ANO2: variants seen among roughly 807,000 people sequenced by gnomAD.
ANO2 encodes the protein anoctamin-2.
In ANO2, 101 loss-of-function variants were observed where a neutral mutation model predicts 124.2. The observed-to-expected ratio is 0.81, with a 90% CI of 0.69 to 0.96. The LOEUF (loss-of-function observed/expected upper bound fraction) is 0.96, where lower values mean the gene tolerates loss of function less well. Ranked by LOEUF, ANO2 falls within the 40% of genes least tolerant of loss-of-function variation. The pLI, the probability that ANO2 is intolerant of heterozygous loss-of-function variation, is 0.00. For missense variants in ANO2, 1,293 were observed against 1,274.5 expected (o/e 1.01, Z -0.22); for synonymous variants, 486 against 482.5 (o/e 1.01, Z -0.09).
At chr12:5,566,097 C>T (rs538083766) in intron 23 of ANO2, among the ~76,000 whole-genome samples, 18 of 152,230 alleles carry the variant, frequency 1.2e-4, no homozygotes, top group Non-Finnish European at 2.4e-4. Flanking sequence ...ATGCAGACAC[C>T]AGCAGGCAGT....
intron 9 of ANO2, among the ~76,000 whole-genome samples, chr12:5,805,105 C>T (rs973815472): frequency 6.6e-6 from 1 of 151,784 alleles, no homozygotes; most frequent in Non-Finnish European, 1.5e-5. Context: ...CAGCAGATTC[C>T]CTGGGCAGGC....
intron 16 of ANO2, among the ~76,000 whole-genome samples, chr12:5,626,344 C>A (rs1044255657): frequency 6.6e-6 from 1 of 152,046 alleles, no homozygotes; most frequent in African/African-American, 2.4e-5. Flanking sequence ...ACATATGTGT[C>A]CTAGAAACAG....
At chr12:5,886,506 A>G (rs1938919082) in intron 3 of ANO2, among the ~76,000 whole-genome samples, 1 of 152,230 alleles carries the variant, frequency 6.6e-6, no homozygotes, top group African/African-American at 2.4e-5. Context: ...CATAGTGGCT[A>G]CAGTCAACAA....
At chr12:5,889,826 C>T (rs548933287) in intron 3 of ANO2, among the ~76,000 whole-genome samples, 42 of 152,364 alleles carry the variant, frequency 2.8e-4, no homozygotes, top group African/African-American at 9.6e-4. Context: ...CATAGAGCTT[C>T]GCTCAATGAA....
chr12:5,603,468 C>T (rs1212842001), intron 19 of ANO2, among the ~76,000 whole-genome samples: 1 of 150,432 alleles, frequency 6.6e-6, no homozygotes, highest in African/African-American at 2.5e-5. Context: ...TTTACTCTTA[C>T]TATTTAAGAC....
At chr12:5,899,093 G>C (rs568930439) in intron 3 of ANO2, among the ~76,000 whole-genome samples, 27 of 152,138 alleles carry the variant, frequency 1.8e-4, no homozygotes, top group Non-Finnish European at 3.7e-4. Context: ...CCTGAGCCAG[G>C]ACTCCGGAGT....
intron 3 of ANO2, among the ~76,000 whole-genome samples, chr12:5,854,925 TAAAC>T (rs1955052830): frequency 8.3e-6 from 1 of 119,972 alleles, no homozygotes. Flanking sequence ...CATCTTCAAA[TAAAC>T]ATTCACTTTT....
At chr12:5,818,700 C>T (rs1953691872) in intron 7 of ANO2, among the ~76,000 whole-genome samples, 1 of 151,628 alleles carries the variant, frequency 6.6e-6, no homozygotes, top group Non-Finnish European at 1.5e-5. Flanking sequence ...GTATGGAGAA[C>T]ACTGATAGTC....
upstream of ANO2, chr12:5,945,377 C>T (rs1036868610): frequency 1.8e-5 from 13 of 727,472 alleles, no homozygotes; most frequent in East Asian, 1.3e-4. Flanking sequence ...GCCGGCGCCG[C>T]GCAGCCACAG....
rs139291063 is a variant in ANO2, at chr12:5,936,987, T to C, written c.22+8209A>G. Among the ~76,000 whole-genome samples, 12 of 152,362 alleles carry C rather than the reference T, an allele frequency of 7.9e-5. No homozygotes were observed. In the East Asian group the frequency reaches 2.3e-3, roughly 29 times the overall value. ...GTGACAGGCACTTAGGTTGTTTCCA[T>C]ATCTTGACCACTGTGAATAATGTTT... On this transcript the variant is annotated intron_variant, in intron 1 of 24. Transcript: ENST00000682330.
intron 14 of ANO2, among the ~76,000 whole-genome samples, chr12:5,663,664 C>A (rs1299671618): frequency 6.6e-6 from 1 of 152,190 alleles, no homozygotes; most frequent in Non-Finnish European, 1.5e-5. Context: ...AACCTCTGCA[C>A]TGCTATGGCT....
chr12:5,603,026 C>T (rs765289440), intron 19 of ANO2, among the ~76,000 whole-genome samples: 3 of 152,100 alleles, frequency 2.0e-5, no homozygotes, highest in Non-Finnish European at 4.4e-5. Flanking sequence ...TCATGAAGCT[C>T]CTGGAGGATG....
chr12:5,586,460 A>AAC (rs903514495), intron 20 of ANO2, among the ~76,000 whole-genome samples: 4 of 152,266 alleles, frequency 2.6e-5, no homozygotes, highest in African/African-American at 4.8e-5. Flanking sequence ...ATTGGCTTGT[A>AAC]ACACACACAC....
chr12:5,655,137 T>C (rs1422884741), intron 14 of ANO2, among the ~76,000 whole-genome samples: 1 of 152,174 alleles, frequency 6.6e-6, no homozygotes, highest in Admixed American at 6.5e-5. Flanking sequence ...CACTTTTTTA[T>C]TGGGAAAAAA....
intron 3 of ANO2, among the ~76,000 whole-genome samples, chr12:5,917,554 T>C (rs1189144595): frequency 1.4e-5 from 2 of 144,152 alleles, no homozygotes; most frequent in Non-Finnish European, 3.1e-5. Context: ...GTTATTATTA[T>C]TCTCTTTTTT....
chr12:5,802,446 C>T (rs570116761), intron 9 of ANO2, among the ~76,000 whole-genome samples: 1 of 152,348 alleles, frequency 6.6e-6, no homozygotes, highest in African/African-American at 2.4e-5. Flanking sequence ...CAGGCCAGCT[C>T]ACACGCCTTC....
At position 5,862,712 on chromosome 12, in the gene ANO2, C is replaced by T. The variant is rs546953013; in HGVS notation, c.535-8571G>A. ...GTGGGAGGTAACTGAATCATGGGGG[C>T]GGTTTCCCCCATACTGTTCTCGTGG... is the stretch of plus-strand genomic sequence containing the variant. On this transcript the variant is annotated intron_variant, in intron 3 of 24. Coordinates refer to ENST00000682330, the MANE Select transcript of ANO2 (RefSeq NM_001364791.2). This position sits in a 1 kb window ranked among gnomAD's most constrained non-coding sequence, Gnocchi z 4.0. Among the ~76,000 whole-genome samples the T allele has an allele frequency of 2.6e-5, 4 of 152,240 alleles. No homozygotes were observed. The highest frequency in any genetic ancestry group is 3.9e-4 in the East Asian group (2 of 5,182).
chr12:5,749,824 C>T (rs896968878), intron 11 of ANO2, among the ~76,000 whole-genome samples: 2 of 152,148 alleles, frequency 1.3e-5, no homozygotes, highest in Non-Finnish European at 2.9e-5. Context: ...ATGACTTAGG[C>T]GTCGCGATTA....
chr12:5,767,740 C>T (rs867869265), intron 10 of ANO2, among the ~76,000 whole-genome samples: 1 of 152,318 alleles, frequency 6.6e-6, no homozygotes, highest in Non-Finnish European at 1.5e-5. Flanking sequence ...CCTTCCCCCC[C>T]ATCTGCTTTA....
Sources: allele counts gnomAD v4.1 joint callset (sites outside exome capture counted in the v4.1 genomes callset), GRCh38; gene constraint gnomAD v4.1.1; non-coding constraint Gnocchi (gnomAD v3.1); transcripts MANE v1.5; gene names NCBI Gene and HGNC (gene_info 2026-07-23, HGNC 2026-07-21).